The following HTT variants were observed in gnomAD, a reference collection of about 807,000 sequenced individuals.
The protein encoded by HTT is huntington disease protein.
HTT carries 104 observed loss-of-function variants against 362.3 expected under a neutral mutation model. That is an observed-to-expected ratio of 0.29 (90% confidence interval 0.24 to 0.34). HTT has a LOEUF of 0.34. Among genes scored for constraint, HTT ranks in the 10% least tolerant of loss-of-function variants. The pLI is 1.00. For synonymous variants in HTT, 1,577 were observed against 1,548.7 expected (o/e 1.02, Z -0.43); for missense variants, 3,301 against 3,928.6 (o/e 0.84, Z 4.27).
chr4:3,172,276 G>A (rs535250210), intron 29 of HTT, 44 bp from the exon 30 acceptor site: 45 of 1,035,484 alleles, frequency 4.3e-5, no homozygotes, highest in East Asian at 2.1e-4. Context: ...GTACAATAAC[G>A]GGTCATCTCT....
Position 3,238,810 on chromosome 4 carries a change from C to T in HTT, c.9055-8C>T, listed in dbSNP as rs1721668999. ...CCTGACACTCAGGCACCTGCTTGCTCCTTGCAGGTGTTTCAGACTCTGCAC... is the reference window on the plus strand; with the variant it reads ...CCTGACACTCAGGCACCTGCTTGCTTCTTGCAGGTGTTTCAGACTCTGCAC... On this transcript the variant is annotated splice_polypyrimidine_tract_variant and splice_region_variant and intron_variant, in intron 65 of 66. Coordinates refer to ENST00000355072, the MANE Select transcript of HTT (RefSeq NM_001388492.1). 8.3e-6 allele frequency: 13 copies of T among 1,561,360 alleles called. No homozygotes were observed. The highest frequency in any genetic ancestry group is 1.1e-5 in the Non-Finnish European group (13 of 1,148,946).
intron 26 of HTT, among the ~76,000 whole-genome samples, chr4:3,150,956 G>A (rs1227561795): frequency 2.0e-5 from 3 of 152,054 alleles, no homozygotes; most frequent in African/African-American, 4.8e-5. Flanking sequence ...GGAGAACGGC[G>A]TGAACCTGGG....
At chr4:3,219,265 G>C (rs1057358001) in intron 52 of HTT, among the ~76,000 whole-genome samples, 1 of 152,178 alleles carries the variant, frequency 6.6e-6, no homozygotes, top group African/African-American at 2.4e-5. Flanking sequence ...GACAGTAACT[G>C]CTCCTTTGGA....
chr4:3,167,868 T>C (rs1717787898), intron 29 of HTT, among the ~76,000 whole-genome samples: 1 of 152,266 alleles, frequency 6.6e-6, no homozygotes, highest in Admixed American at 6.5e-5. Flanking sequence ...CTGGCCTGTG[T>C]CTTTACAGTT....
At chr4:3,219,818 T>C (rs1720592955) in intron 52 of HTT, among the ~76,000 whole-genome samples, 1 of 152,190 alleles carries the variant, frequency 6.6e-6, no homozygotes, top group Non-Finnish European at 1.5e-5. Context: ...AATAAACATA[T>C]CTGAGCTGAA....
intron 33 of HTT, among the ~76,000 whole-genome samples, chr4:3,176,088 T>C (rs1364041378): frequency 6.7e-6 from 1 of 148,390 alleles, no homozygotes; most frequent in Non-Finnish European, 1.5e-5. Context: ...AGTGCAGGGG[T>C]GCGATCTCGG....
chr4:3,128,484 G>T (rs1040877359), intron 12 of HTT: 2 of 152,136 alleles, frequency 1.3e-5, no homozygotes, highest in Non-Finnish European at 2.9e-5. Flanking sequence ...TTAAGGCCTT[G>T]TTGGGCCCTG....
chr4:3,239,790 A>C, intron 66 of HTT, 56 bp from the exon 67 acceptor site: 2 of 1,328,598 alleles, frequency 1.5e-6, no homozygotes, highest in Non-Finnish European at 2.1e-6. Flanking sequence ...CCAGGTGAGG[A>C]CAGGGAGGCA....
chr4:3,237,270 C>G (rs1313851987), intron 64 of HTT, among the ~76,000 whole-genome samples: 1 of 152,164 alleles, frequency 6.6e-6, no homozygotes, highest in Non-Finnish European at 1.5e-5. Flanking sequence ...GACGGGGTTT[C>G]ACCGTGTTGG....
intron 60 of HTT, among the ~76,000 whole-genome samples, chr4:3,231,279 C>G (rs544182393): frequency 6.6e-6 from 1 of 152,174 alleles, no homozygotes; most frequent in Non-Finnish European, 1.5e-5. Flanking sequence ...CTGCCTAGCC[C>G]GTGCTCTGGA....
At chr4:3,187,209 A>G (rs1718807651) in intron 38 of HTT, among the ~76,000 whole-genome samples, 2 of 151,112 alleles carry the variant, frequency 1.3e-5, no homozygotes, top group East Asian at 2.0e-4. Flanking sequence ...AGGCTGGAGT[A>G]CAGTGGCGCT....
chr4:3,183,571 C>T (rs1212953007), intron 37 of HTT, among the ~76,000 whole-genome samples: 2 of 152,224 alleles, frequency 1.3e-5, no homozygotes, highest in South Asian at 2.1e-4. Context: ...TTCATGACTG[C>T]ACCCCCATTC....
intron 53 of HTT, among the ~76,000 whole-genome samples, chr4:3,221,512 T>C (rs1001060200): frequency 6.6e-6 from 1 of 152,218 alleles, no homozygotes; most frequent in Non-Finnish European, 1.5e-5. Flanking sequence ...TAAATTGTTA[T>C]ATTTGTCTGT....
chr4:3,130,399 T>C lies in HTT; in HGVS notation c.1962T>C (p.Thr654=). 2 of 1,600,782 alleles carry C rather than the reference T, an allele frequency of 1.2e-6. No individual in the cohort carries two copies. Among genetic ancestry groups the C allele is most frequent in the Non-Finnish European group, 1.7e-6 (2 of 1,170,912 alleles). ...AATTTGTGTTGAGAGATGAAGCTAC[T>C]GAACCGGGTGATCAAGAAAACAAGG... The part of the protein sequence containing the change: ...VDKFVLRDEA[T]EPGDQENKPC... Residue 654 remains threonine, a synonymous_variant, in exon 14 of 67, where the codon ACT becomes ACC. Coordinates refer to ENST00000355072, the MANE Select transcript of HTT (RefSeq NM_001388492.1).
intron 26 of HTT, among the ~76,000 whole-genome samples, 166 bp from the exon 27 acceptor site, chr4:3,154,127 T>G (rs1175905487): frequency 6.6e-6 from 1 of 152,228 alleles, no homozygotes; most frequent in Non-Finnish European, 1.5e-5. Flanking sequence ...AAATAAAATG[T>G]GTACAGTGTC....
chr4:3,096,002 G>A lies in HTT; in HGVS notation c.348-3272G>A, dbSNP rs1446242730. Among the ~76,000 whole-genome samples the A allele has an allele frequency of 2.0e-5, 3 of 152,324 alleles. No individual in the cohort carries two copies. In the East Asian group the frequency reaches 5.8e-4, roughly 29 times the overall value. ...GCAAGAAACACATTCTAAATATAAA[G>A]GCAAAAATAACCTACAGGTAACAGA... is the stretch of plus-strand genomic sequence containing the variant. On this transcript the variant is annotated intron_variant, in intron 2 of 66. Coordinates refer to ENST00000355072, the MANE Select transcript of HTT (RefSeq NM_001388492.1).
chr4:3,147,390 A>G (rs998604507), intron 25 of HTT, among the ~76,000 whole-genome samples: 1 of 152,176 alleles, frequency 6.6e-6, no homozygotes, highest in Non-Finnish European at 1.5e-5. Context: ...GGTAGGAAAG[A>G]GCACAACACG....
In HTT at chr4:3,135,973, C is replaced by T. The variant is rs200996586; in HGVS notation, c.2697+6C>T. 11 of 1,580,774 alleles carry T rather than the reference C, an allele frequency of 7.0e-6. No individual in the cohort carries two copies. Among genetic ancestry groups the T allele is most frequent in the African/African-American group, 5.5e-5 (4 of 73,044 alleles). On this transcript the variant is annotated splice_donor_region_variant and intron_variant, in intron 20 of 66. Transcript: ENST00000355072. ...GGGCTCATCATTATACAGGGGTAAG[C>T]GGTTTATTTTTGTGAGATGCTGTTT...
intron 1 of HTT, among the ~76,000 whole-genome samples, chr4:3,077,564 C>T (rs954223525): frequency 1.3e-5 from 2 of 152,012 alleles, no homozygotes; most frequent in Non-Finnish European, 2.9e-5. Flanking sequence ...GGATTACAGG[C>T]GCCCACCACC....
Sources: allele counts gnomAD v4.1 joint callset (sites outside exome capture counted in the v4.1 genomes callset), GRCh38; gene constraint gnomAD v4.1.1; transcripts MANE v1.5; gene names NCBI Gene and HGNC (gene_info 2026-07-23, HGNC 2026-07-21).